The following DACH1 variants were observed in gnomAD, a reference collection of about 807,000 sequenced individuals.
The protein encoded by DACH1 is dachshund family transcription factor 1.
Under a neutral mutation model 54.2 loss-of-function variants are expected in DACH1, and 12 were observed. That is an observed-to-expected ratio of 0.22 (90% CI 0.14 to 0.36). DACH1 has a LOEUF of 0.36. DACH1 is among the 10% of genes least tolerant of loss of function. The pLI is 1.00. For missense variants in DACH1, 805 were observed against 929.8 expected, an observed-to-expected ratio of 0.87 and a Z score of 1.75; for synonymous variants, 386 against 366.2, an observed-to-expected ratio of 1.05 and a Z score of -0.62.
At chr13:71,574,056 CT>C (rs1197324720) in intron 3 of DACH1, among the ~76,000 whole-genome samples, 1 of 152,116 alleles carries the variant, frequency 6.6e-6, no homozygotes, top group Non-Finnish European at 1.5e-5. Context: ...CAAAAGATCA[CT>C]TTATAGAATA....
At chr13:71,549,395 G>A (rs1883663057) in intron 6 of DACH1, among the ~76,000 whole-genome samples, 1 of 152,088 alleles carries the variant, frequency 6.6e-6, no homozygotes, top group African/African-American at 2.4e-5. Context: ...AGCAGATTAA[G>A]TGGAATAATA....
intron 1 of DACH1, among the ~76,000 whole-genome samples, chr13:71,714,625 G>C (rs535264504): frequency 6.6e-6 from 1 of 152,100 alleles, no homozygotes; most frequent in African/African-American, 2.4e-5. Flanking sequence ...ATTATATTTA[G>C]TAAAGATTCC....
At chr13:71,463,994 A>G (rs550250975) in intron 10 of DACH1, among the ~76,000 whole-genome samples, 10 of 152,144 alleles carry the variant, frequency 6.6e-5, no homozygotes, top group African/African-American at 2.4e-4. Context: ...TAGATTTAGA[A>G]TAAAGTTAGA....
intron 2 of DACH1, among the ~76,000 whole-genome samples, chr13:71,671,398 T>C (rs1880196893): frequency 1.3e-5 from 2 of 151,980 alleles, no homozygotes; most frequent in African/African-American, 4.8e-5. Flanking sequence ...CTTAAGAATA[T>C]AAAGCATGCA....
chr13:71,764,509 CAAAGA>C (rs1449923349), intron 1 of DACH1, among the ~76,000 whole-genome samples: 1 of 151,856 alleles, frequency 6.6e-6, no homozygotes, highest in Non-Finnish European at 1.5e-5. Flanking sequence ...AATAAAGGCA[CAAAGA>C]AAAGAAAACA....
At chr13:71,540,976 G>A (rs571185890) in intron 6 of DACH1, among the ~76,000 whole-genome samples, 62 of 151,684 alleles carry the variant, frequency 4.1e-4, no homozygotes, top group African/African-American at 1.5e-3. Flanking sequence ...TAAAGGAAAT[G>A]CTATGTTTTT....
chr13:71,488,078 G>C (rs776708981), intron 7 of DACH1, among the ~76,000 whole-genome samples: 15 of 152,136 alleles, frequency 9.9e-5, no homozygotes, highest in Non-Finnish European at 2.1e-4. Context: ...CTTCTGTTAT[G>C]TCCTTGGAGA....
At chr13:71,725,822 A>T (rs779318225) in intron 1 of DACH1, among the ~76,000 whole-genome samples, 3 of 152,182 alleles carry the variant, frequency 2.0e-5, no homozygotes, top group Non-Finnish European at 4.4e-5. Flanking sequence ...TAAGGAAAGC[A>T]TGCTTACACA....
intron 2 of DACH1, among the ~76,000 whole-genome samples, chr13:71,666,876 G>C (rs1414498676): frequency 6.6e-6 from 1 of 151,986 alleles, no homozygotes; most frequent in Admixed American, 6.6e-5. Flanking sequence ...CAGCTACTTG[G>C]GAGGCAGGAG....
chr13:71,713,376 A>G (rs1239778554), intron 1 of DACH1, among the ~76,000 whole-genome samples: 2 of 152,152 alleles, frequency 1.3e-5, no homozygotes, highest in Non-Finnish European at 2.9e-5. Context: ...TGCATAAAAC[A>G]TGGACTAAAT....
At chr13:71,767,817 T>A in intron 1 of DACH1, among the ~76,000 whole-genome samples, 1 of 152,050 alleles carries the variant, frequency 6.6e-6, no homozygotes, top group East Asian at 1.9e-4. Context: ...ACAGAAATGA[T>A]GAAATAATAT....
At chr13:71,680,475 G>A (rs1880833864) in intron 2 of DACH1, among the ~76,000 whole-genome samples, 1 of 152,058 alleles carries the variant, frequency 6.6e-6, no homozygotes, top group South Asian at 2.1e-4. Context: ...ATGGTGGCCT[G>A]TGCCTGTAGT....
intron 6 of DACH1, among the ~76,000 whole-genome samples, chr13:71,534,960 T>C (rs547023022): frequency 6.6e-6 from 1 of 151,814 alleles, no homozygotes; most frequent in Non-Finnish European, 1.5e-5. Context: ...TTTATTTTCA[T>C]ATGAAAGAGG....
intron 2 of DACH1, among the ~76,000 whole-genome samples, chr13:71,660,535 G>A (rs938242089): frequency 2.0e-5 from 3 of 151,962 alleles, no homozygotes; most frequent in African/African-American, 2.4e-5. Flanking sequence ...ATATTGGGAC[G>A]AGCAGAGGCA....
intron 6 of DACH1, among the ~76,000 whole-genome samples, chr13:71,501,007 C>G (rs1037379085): frequency 6.6e-6 from 1 of 152,108 alleles, no homozygotes; most frequent in African/African-American, 2.4e-5. Flanking sequence ...TAGCTTAACT[C>G]TCTCAACTGA....
At chr13:71,455,856 T>C (rs1027692046) in intron 10 of DACH1, among the ~76,000 whole-genome samples, 2 of 152,156 alleles carry the variant, frequency 1.3e-5, no homozygotes, top group Non-Finnish European at 2.9e-5. Context: ...TTTAAAGCTA[T>C]TGTTTATCAT....
chr13:71,770,524 C>T (rs1885809567), intron 1 of DACH1, among the ~76,000 whole-genome samples: 1 of 151,478 alleles, frequency 6.6e-6, no homozygotes, highest in Admixed American at 6.6e-5. Context: ...TTTCTTCAAT[C>T]TGAAGCTCAA....
chr13:71,584,625 C>T (rs1873098844), intron 3 of DACH1, among the ~76,000 whole-genome samples: 2 of 152,002 alleles, frequency 1.3e-5, no homozygotes, highest in Admixed American at 1.3e-4. Flanking sequence ...ACTGTTTGAA[C>T]TATTGAAACA....
intron 10 of DACH1, among the ~76,000 whole-genome samples, chr13:71,470,799 G>T (rs192261724): frequency 2.4e-4 from 37 of 152,310 alleles, no homozygotes; most frequent in African/African-American, 8.4e-4. Context: ...CTATGTGCCA[G>T]ATACTCTCTC....
Sources: allele counts gnomAD v4.1 joint callset (sites outside exome capture counted in the v4.1 genomes callset), GRCh38; gene constraint gnomAD v4.1.1; transcripts MANE v1.5; gene names NCBI Gene and HGNC (gene_info 2026-07-23, HGNC 2026-07-21).